The following ZFHX3 variants were observed in gnomAD, a reference collection of about 807,000 sequenced individuals.
ZFHX3 encodes zinc finger homeobox 3.
Under a neutral mutation model 279.1 loss-of-function variants are expected in ZFHX3, and 42 were observed. The ratio of observed to expected loss-of-function variants is 0.15; its 90% CI spans 0.12 to 0.19. ZFHX3 has a LOEUF of 0.19. Ranked by LOEUF, ZFHX3 falls within the 10% of genes least tolerant of loss-of-function variation. The probability of loss-of-function intolerance (pLI) is 1.00; values close to 1 mark genes in which losing one functional copy is unlikely to be tolerated. For synonymous variants in ZFHX3, 2,293 were observed against 1,957.8 expected (o/e 1.17, Z -4.52); for missense variants, 4,981 against 4,754.0 (o/e 1.05, Z -1.40).
chr16:73,637,078 A>G (rs928790821), intron 2 of ZFHX3, among the ~76,000 whole-genome samples: 3 of 152,244 alleles, frequency 2.0e-5, no homozygotes, highest in East Asian at 3.9e-4. Flanking sequence ...AGAAAAAAAT[A>G]TGTAAAAATA....
At chr16:73,680,553 C>T (rs949968780) in intron 1 of ZFHX3, among the ~76,000 whole-genome samples, 4 of 152,090 alleles carry the variant, frequency 2.6e-5, no homozygotes, top group Non-Finnish European at 4.4e-5. Context: ...TAATATTAAC[C>T]GGTTACATTT....
At chr16:73,172,514 C>T (rs1567409370) in intron 5 of ZFHX3, among the ~76,000 whole-genome samples, 1 of 152,246 alleles carries the variant, frequency 6.6e-6, no homozygotes, top group Non-Finnish European at 1.5e-5. Flanking sequence ...ACTTACCCCT[C>T]TCCTGTGGGC....
intron 5 of ZFHX3, among the ~76,000 whole-genome samples, chr16:73,217,328 C>T (rs762920315): frequency 6.6e-6 from 1 of 152,154 alleles, no homozygotes; most frequent in Non-Finnish European, 1.5e-5. Context: ...GGAACATGAC[C>T]GTCCGATTTG....
intron 3 of ZFHX3, among the ~76,000 whole-genome samples, chr16:72,931,066 T>C (rs1304118974): frequency 6.6e-6 from 1 of 152,202 alleles, no homozygotes; most frequent in Non-Finnish European, 1.5e-5. Flanking sequence ...AAACATAAGC[T>C]GTGGACTTAT....
At chr16:73,553,538 G>A (rs1020020636) in intron 2 of ZFHX3, among the ~76,000 whole-genome samples, 5 of 152,142 alleles carry the variant, frequency 3.3e-5, no homozygotes, top group Admixed American at 1.3e-4. Flanking sequence ...GGTCCCTGTG[G>A]TGAATATGAT....
At chr16:73,773,371 A>G (rs1229669031) in intron 1 of ZFHX3, among the ~76,000 whole-genome samples, 4 of 152,128 alleles carry the variant, frequency 2.6e-5, no homozygotes, top group Admixed American at 6.5e-5. Flanking sequence ...ATTTTCCATT[A>G]TCATCAAACT....
intron 3 of ZFHX3, among the ~76,000 whole-genome samples, chr16:73,448,578 G>C (rs2018227430): frequency 6.6e-6 from 1 of 151,528 alleles, no homozygotes; most frequent in South Asian, 2.1e-4. Context: ...GAAGGTAATA[G>C]AAAAAGAAAA....
chr16:73,803,707 C>A (rs1960198466), intron 1 of ZFHX3, among the ~76,000 whole-genome samples: 3 of 152,184 alleles, frequency 2.0e-5, no homozygotes, highest in South Asian at 4.1e-4. Flanking sequence ...CTAAAAAGAA[C>A]AAGACTTGAA....
chr16:73,703,736 G>A (rs2053275436), intron 1 of ZFHX3, among the ~76,000 whole-genome samples: 1 of 152,158 alleles, frequency 6.6e-6, no homozygotes, highest in African/African-American at 2.4e-5. Context: ...AGTACATTAA[G>A]GTGGACACAC....
chr16:73,749,702 G>A (rs1005584083), intron 1 of ZFHX3, among the ~76,000 whole-genome samples: 2 of 152,144 alleles, frequency 1.3e-5, no homozygotes, highest in African/African-American at 2.4e-5. Context: ...CCAATGCCAC[G>A]TGCACTGGAA....
intron 4 of ZFHX3, among the ~76,000 whole-genome samples, chr16:73,292,014 G>A (rs923697963): frequency 2.0e-5 from 3 of 152,208 alleles, no homozygotes; most frequent in Non-Finnish European, 4.4e-5. Flanking sequence ...GCCTGGAACT[G>A]AAGTTTCTAA....
Position 72,788,360 on chromosome 16 carries a change from G to A in ZFHX3, c.9916C>T (p.Gln3306Ter). 1 of 1,614,208 alleles carries A rather than the reference G, an allele frequency of 6.2e-7. No individual in the cohort carries two copies. The highest frequency in any genetic ancestry group is 8.5e-7 in the Non-Finnish European group (1 of 1,180,036). ...TSDPTALLTS[Q>*]FLPYFVPGFS... ...CCTGGTACAAAGTAAGGAAGGAACT[G>A]GCTTGTGAGCAATGCTGTGGGGTCC... Residue 3306 changes from glutamine to a stop codon, truncating the protein, a stop_gained, in exon 10 of 10, where the codon CAG becomes TAG. Transcript: ENST00000268489. LOFTEE classifies it high-confidence loss of function.
intron 4 of ZFHX3, among the ~76,000 whole-genome samples, chr16:72,878,131 C>T (rs2038363808): frequency 6.6e-6 from 1 of 152,048 alleles, no homozygotes; most frequent in African/African-American, 2.4e-5. Flanking sequence ...TACAGTGAGC[C>T]ATGATTGTGC....
At chr16:73,812,746 G>A (rs894592997) in intron 1 of ZFHX3, 2 of 152,220 alleles carry the variant, frequency 1.3e-5, no homozygotes, top group Non-Finnish European at 2.9e-5. Context: ...ATAGATGTTT[G>A]ATAAATGAGT....
At chr16:73,439,741 C>T (rs147107887) in intron 3 of ZFHX3, among the ~76,000 whole-genome samples, 14 of 151,762 alleles carry the variant, frequency 9.2e-5, no homozygotes, top group African/African-American at 2.2e-4. Context: ...TTCTTTTTAG[C>T]AGCCTGCTGA....
chr16:73,378,021 ACT>A (rs1235640838), intron 3 of ZFHX3, among the ~76,000 whole-genome samples: 1 of 112,388 alleles, frequency 8.9e-6, no homozygotes. Flanking sequence ...TGACAGAGAG[ACT>A]CTGTCTCAAA....
At chr16:73,742,194 C>A (rs968294590) in intron 1 of ZFHX3, among the ~76,000 whole-genome samples, 2 of 152,152 alleles carry the variant, frequency 1.3e-5, no homozygotes, top group African/African-American at 4.8e-5. Context: ...AAGTTACAGC[C>A]GTTTTTGAAC....
At chr16:72,874,099 G>A (rs1164098886) in intron 4 of ZFHX3, among the ~76,000 whole-genome samples, 1 of 152,056 alleles carries the variant, frequency 6.6e-6, no homozygotes, top group Non-Finnish European at 1.5e-5. Context: ...AAGTGGGCGG[G>A]GCTTTGGAGG....
chr16:73,741,185 G>C (rs7202003), intron 1 of ZFHX3, among the ~76,000 whole-genome samples: 25,433 of 151,754 alleles, frequency 0.17, 3,119 homozygotes, highest in African/African-American at 0.33. Flanking sequence ...CGCCTGCCAC[G>C]ACGCCCAGCT....
Sources: gnomAD v4.1 joint callset for allele counts (sites outside exome capture counted in the v4.1 genomes callset) on GRCh38, gnomAD v4.1.1 for gene constraint, MANE v1.5 for transcripts, NCBI Gene and HGNC (gene_info 2026-07-23, HGNC 2026-07-21) for gene names.